The following PITPNC1 variants were observed in gnomAD, a reference collection of about 807,000 sequenced individuals.
PITPNC1 encodes cytoplasmic phosphatidylinositol transfer protein 1.
Under a neutral mutation model 44.7 loss-of-function variants are expected in PITPNC1, and 18 were observed. That is an observed-to-expected ratio of 0.40 (90% CI 0.28 to 0.60). The LOEUF (loss-of-function observed/expected upper bound fraction) is 0.60. Ranked by LOEUF, PITPNC1 falls within the 20% of genes least tolerant of loss-of-function variation. The pLI, the probability that PITPNC1 is intolerant of heterozygous loss-of-function variation, is 0.39. For synonymous variants in PITPNC1, 141 were observed against 149.6 expected, an observed-to-expected ratio of 0.94 and a Z score of 0.42; for missense variants, 290 against 418.4, an observed-to-expected ratio of 0.69 and a Z score of 2.68.
chr17:67,616,412 GT>G (rs1193022201), intron 5 of PITPNC1, among the ~76,000 whole-genome samples: 2 of 152,118 alleles, frequency 1.3e-5, no homozygotes, highest in Non-Finnish European at 2.9e-5. Context: ...AAGTGCTGGG[GT>G]TACAGGCATG....
intron 4 of PITPNC1, 64 bp downstream of exon 4, chr17:67,553,681 C>G (rs2040797204): frequency 1.7e-6 from 1 of 580,876 alleles, no homozygotes; most frequent in Non-Finnish European, 3.0e-6. Context: ...TGGAATGTCT[C>G]TTGTATTACT....
intron 6 of PITPNC1, among the ~76,000 whole-genome samples, chr17:67,664,758 A>G (rs2042397786): frequency 6.6e-6 from 1 of 152,110 alleles, no homozygotes; most frequent in Non-Finnish European, 1.5e-5. Context: ...ACAAAAAATT[A>G]GCTGGGCGTG....
chr17:67,554,703 T>G (rs1014574042), intron 4 of PITPNC1, among the ~76,000 whole-genome samples: 1 of 152,214 alleles, frequency 6.6e-6, no homozygotes, highest in Non-Finnish European at 1.5e-5. Context: ...GCATCGTAGG[T>G]GCTCAATCAA....
intron 5 of PITPNC1, among the ~76,000 whole-genome samples, chr17:67,592,800 G>T (rs577941286): frequency 6.6e-6 from 1 of 152,316 alleles, no homozygotes; most frequent in Non-Finnish European, 1.5e-5. Context: ...ACTTTGGGAG[G>T]CCAAGGCAAG....
intron 5 of PITPNC1, among the ~76,000 whole-genome samples, chr17:67,629,661 G>C (rs531840758): frequency 6.6e-6 from 1 of 152,256 alleles, no homozygotes; most frequent in African/African-American, 2.4e-5. Context: ...GAAGGAGCGG[G>C]GGGGACTGGC....
chr17:67,476,188 CTT>C (rs10633927), intron 1 of PITPNC1, among the ~76,000 whole-genome samples: 14 of 137,648 alleles, frequency 1.0e-4, no homozygotes, highest in Non-Finnish European at 9.3e-5. Flanking sequence ...TCTTTCTTTT[CTT>C]TTTTTTTTTT....
chr17:67,529,917 C>T lies in PITPNC1; in HGVS notation c.49-2885C>T, dbSNP rs142728220. ...GAGCCAAGATCGCACCACTGCACTC[C>T]AGTCTGGGCGACAGAATGATACCCT... On this transcript the variant is annotated intron_variant, in intron 1 of 8. Coordinates refer to ENST00000581322, the MANE Select transcript of PITPNC1 (RefSeq NM_012417.4). Among the ~76,000 whole-genome samples, 1,194 of 152,182 alleles carry T rather than the reference C, an allele frequency of 7.8e-3. 19 individuals carry two copies. The highest frequency in any genetic ancestry group is 0.027 in the African/African-American group (1,133 of 41,502).
At chr17:67,596,634 C>G (rs1427008786) in intron 5 of PITPNC1, among the ~76,000 whole-genome samples, 1 of 152,104 alleles carries the variant, frequency 6.6e-6, no homozygotes, top group Non-Finnish European at 1.5e-5. Flanking sequence ...CCTCGGCCTC[C>G]TGAGTAGCTG....
intron 1 of PITPNC1, among the ~76,000 whole-genome samples, chr17:67,478,139 T>C (rs1030054130): frequency 2.0e-5 from 3 of 152,120 alleles, no homozygotes; most frequent in Non-Finnish European, 4.4e-5. Context: ...TCAGTAGATG[T>C]TGGATTTGGA....
chr17:67,424,611 C>T (rs993998913), intron 1 of PITPNC1, among the ~76,000 whole-genome samples: 10 of 151,978 alleles, frequency 6.6e-5, no homozygotes, highest in African/African-American at 1.7e-4. Context: ...GATCCGGGAT[C>T]GCACTACTGT....
chr17:67,442,661 G>T (rs919674208), intron 1 of PITPNC1, among the ~76,000 whole-genome samples: 8 of 151,586 alleles, frequency 5.3e-5, no homozygotes, highest in Admixed American at 2.6e-4. Context: ...TGGCCAACGT[G>T]GCAAAACCCT....
chr17:67,409,902 TA>T (rs2038466719), intron 1 of PITPNC1, among the ~76,000 whole-genome samples: 1 of 152,210 alleles, frequency 6.6e-6, no homozygotes, highest in Non-Finnish European at 1.5e-5. Flanking sequence ...ATGATGTATT[TA>T]TTTATTCTTT....
chr17:67,401,522 C>T (rs1441030150), intron 1 of PITPNC1, among the ~76,000 whole-genome samples: 2 of 152,142 alleles, frequency 1.3e-5, no homozygotes, highest in African/African-American at 4.8e-5. Context: ...AAGCCCTTTC[C>T]ACATGCTGAC....
At chr17:67,546,079 G>A (rs1313716858) in intron 2 of PITPNC1, among the ~76,000 whole-genome samples, 1 of 151,952 alleles carries the variant, frequency 6.6e-6, no homozygotes, top group East Asian at 1.9e-4. Context: ...TGTAGTCCCA[G>A]CTACTCGGGA....
intron 5 of PITPNC1, among the ~76,000 whole-genome samples, chr17:67,615,878 TGAA>T (rs976846706): frequency 1.3e-5 from 2 of 152,050 alleles, no homozygotes; most frequent in African/African-American, 4.8e-5. Flanking sequence ...TGTGCACATG[TGAA>T]GTGTTGGCCT....
At chr17:67,637,389 G>A (rs1464365864) in intron 6 of PITPNC1, among the ~76,000 whole-genome samples, 2 of 151,972 alleles carry the variant, frequency 1.3e-5, no homozygotes, top group Non-Finnish European at 2.9e-5. Context: ...CGCTCTTTAT[G>A]TGAGGAAGCC....
At chr17:67,447,601 A>C (rs1004769806) in intron 1 of PITPNC1, among the ~76,000 whole-genome samples, 1 of 151,694 alleles carries the variant, frequency 6.6e-6, no homozygotes, top group Non-Finnish European at 1.5e-5. Flanking sequence ...TCCTGGGCCC[A>C]AGTGATCCTC....
chr17:67,529,780 C>T (rs545719979), intron 1 of PITPNC1, among the ~76,000 whole-genome samples: 105 of 152,130 alleles, frequency 6.9e-4, no homozygotes, highest in Non-Finnish European at 1.2e-3. Flanking sequence ...AACCCCGTCT[C>T]TACTAAAAAT....
At position 67,445,986 on chromosome 17, in the gene PITPNC1, G is replaced by A. The variant is rs140315793; in HGVS notation, c.48+67784G>A. ...TTTTGAGACAGAATCTCACTCTGTC[G>A]CCCAGGCTGGAGTGCAGTGGCACAA... On this transcript the variant is annotated intron_variant, in intron 1 of 8. Coordinates refer to ENST00000581322, the MANE Select transcript of PITPNC1 (RefSeq NM_012417.4). 2.2e-3 allele frequency among the ~76,000 whole-genome samples: 339 copies of A among 151,542 alleles called. 3 individuals carry two copies. The highest frequency in any genetic ancestry group is 7.7e-3 in the African/African-American group (320 of 41,306).
Sources: gnomAD v4.1 joint callset for allele counts (sites outside exome capture counted in the v4.1 genomes callset) on GRCh38, gnomAD v4.1.1 for gene constraint, MANE v1.5 for transcripts, NCBI Gene and HGNC (gene_info 2026-07-23, HGNC 2026-07-21) for gene names.